ATRN: variants seen among roughly 807,000 people sequenced by gnomAD.
ATRN encodes attractin.
In ATRN, 54 loss-of-function variants were observed where a neutral mutation model predicts 178.7. That is an observed-to-expected ratio of 0.30 (90% CI 0.24 to 0.38). The LOEUF (loss-of-function observed/expected upper bound fraction) is 0.38. Among genes scored for constraint, ATRN ranks in the 10% least tolerant of loss-of-function variants. ATRN has a pLI of 1.00. For missense variants in ATRN, 1,443 were observed against 1,815.1 expected (o/e 0.79, Z 3.73); for synonymous variants, 636 against 663.0 (o/e 0.96, Z 0.63).
intron 24 of ATRN, chr20:3,615,686 G>A (rs2086836586): frequency 5.0e-6 from 2 of 399,184 alleles, no homozygotes; most frequent in Admixed American, 5.1e-5. Flanking sequence ...CTTGCGAGTA[G>A]CTGGGACTAC....
intron 11 of ATRN, among the ~76,000 whole-genome samples, chr20:3,570,036 A>G (rs546944572): frequency 1.8e-4 from 27 of 151,204 alleles, no homozygotes; most frequent in African/African-American, 6.6e-4. Flanking sequence ...GTGCTGTTGC[A>G]CTCCAGTCTG....
intron 24 of ATRN, among the ~76,000 whole-genome samples, chr20:3,617,024 G>GT (rs1319154733): frequency 6.6e-6 from 1 of 152,184 alleles, no homozygotes; most frequent in Non-Finnish European, 1.5e-5. Flanking sequence ...TGCCAGATGA[G>GT]TATATAGTTG....
chr20:3,585,325 A>G (rs1472442030), intron 18 of ATRN, among the ~76,000 whole-genome samples: 1 of 152,216 alleles, frequency 6.6e-6, no homozygotes, highest in Non-Finnish European at 1.5e-5. Flanking sequence ...AAATACCTGC[A>G]CTGCATGTAA....
chr20:3,569,665 T>C (rs905497735), intron 11 of ATRN, among the ~76,000 whole-genome samples: 9 of 152,246 alleles, frequency 5.9e-5, no homozygotes, highest in South Asian at 2.1e-4. Flanking sequence ...CCATCCATCA[T>C]TGATGGAAAC....
intron 16 of ATRN, among the ~76,000 whole-genome samples, chr20:3,583,542 C>T (rs2086309183): frequency 6.6e-6 from 1 of 152,194 alleles, no homozygotes; most frequent in African/African-American, 2.4e-5. Flanking sequence ...GGCACAGTGG[C>T]TCACGCCTGT....
At chr20:3,554,322 T>TTTATTTA (rs1177690488) in intron 6 of ATRN, among the ~76,000 whole-genome samples, 7 of 148,402 alleles carry the variant, frequency 4.7e-5, no homozygotes, top group African/African-American at 1.7e-4. Flanking sequence ...TATTTATTTA[T>TTTATTTA]TTATTTATTT....
At chr20:3,511,377 A>G (rs1304384419) in intron 1 of ATRN, among the ~76,000 whole-genome samples, 5 of 152,194 alleles carry the variant, frequency 3.3e-5, no homozygotes, top group Non-Finnish European at 7.4e-5. Flanking sequence ...GTAATAGGAA[A>G]GGGGAGATCA....
intron 1 of ATRN, among the ~76,000 whole-genome samples, chr20:3,522,617 C>G (rs549742472): frequency 6.6e-6 from 1 of 152,334 alleles, no homozygotes; most frequent in East Asian, 1.9e-4. Flanking sequence ...TGCCTCCTGA[C>G]TAGGAGACAC....
At chr20:3,594,607 C>T in intron 20 of ATRN, 35 bp downstream of exon 20, 1 of 1,556,934 alleles carries the variant, frequency 6.4e-7, no homozygotes, top group Non-Finnish European at 8.8e-7. Context: ...CCAGGGAGGA[C>T]CAAGAGGCTG....
chr20:3,562,228 G>A (rs1337178864), intron 8 of ATRN, 48 bp from the exon 9 acceptor site: 1 of 1,511,812 alleles, frequency 6.6e-7, no homozygotes, highest in Non-Finnish European at 9.1e-7. Flanking sequence ...TTCAGTAGTA[G>A]AGAGGAGGAG....
At chr20:3,564,781 C>A (rs942398907) in intron 10 of ATRN, among the ~76,000 whole-genome samples, 1 of 152,062 alleles carries the variant, frequency 6.6e-6, no homozygotes, top group Non-Finnish European at 1.5e-5. Context: ...AAAAAACATT[C>A]TTGGCTGGGC....
intron 1 of ATRN, among the ~76,000 whole-genome samples, chr20:3,505,349 C>CT (rs2085028052): frequency 6.6e-6 from 1 of 152,148 alleles, no homozygotes; most frequent in Non-Finnish European, 1.5e-5. Flanking sequence ...TGGCCTCAGA[C>CT]TGAGTTACAC....
chr20:3,544,099 A>C (rs2085663372), intron 3 of ATRN, among the ~76,000 whole-genome samples: 1 of 152,052 alleles, frequency 6.6e-6, no homozygotes, highest in Non-Finnish European at 1.5e-5. Flanking sequence ...TCCCCTCCTC[A>C]TTTTCATTCC....
chr20:3,479,703 C>T (rs1323283391), intron 1 of ATRN, among the ~76,000 whole-genome samples: 2 of 152,204 alleles, frequency 1.3e-5, no homozygotes, highest in African/African-American at 4.8e-5. Flanking sequence ...AAGGTACTGG[C>T]AGGGCCACGA....
intron 1 of ATRN, among the ~76,000 whole-genome samples, chr20:3,479,294 G>A (rs2084583358): frequency 6.6e-6 from 1 of 152,184 alleles, no homozygotes; most frequent in Non-Finnish European, 1.5e-5. Context: ...ATATGAAGGT[G>A]TGTAAGAATC....
intron 1 of ATRN, among the ~76,000 whole-genome samples, chr20:3,499,571 C>T (rs2084927668): frequency 6.6e-6 from 1 of 151,502 alleles, no homozygotes; most frequent in South Asian, 2.1e-4. Flanking sequence ...CTGAGAAAAA[C>T]AAGCATTGGG....
Position 3,646,739 on chromosome 20 carries a change from C to A in ATRN, c.4182C>A (p.Ser1394Arg). The A allele has an allele frequency of 6.2e-7, 1 of 1,602,840 alleles. No individual in the cohort carries two copies. The highest frequency in any genetic ancestry group is 8.5e-7 in the Non-Finnish European group (1 of 1,174,320). Reference protein sequence around the residue: ...PPGQSGLAVASALVDISQQMP... With the variant: ...PPGQSGLAVARALVDISQQMP... ...TCTCCCAAGGTCTTGCTGTGGCCAGCGCCCTGGTGGACATTTCTCAGCAGA... is the reference window on the plus strand; with the variant it reads ...TCTCCCAAGGTCTTGCTGTGGCCAGAGCCCTGGTGGACATTTCTCAGCAGA... The change falls in exon 29 of 29, where the codon AGC becomes AGA. Residue 1394 changes from serine to arginine, a missense_variant. Transcript: ENST00000262919.
chr20:3,567,957 C>G (rs1206998427), intron 11 of ATRN, among the ~76,000 whole-genome samples: 1 of 152,150 alleles, frequency 6.6e-6, no homozygotes, highest in East Asian at 1.9e-4. Flanking sequence ...TTGAATCTAG[C>G]CTGCTTAATG....
intron 25 of ATRN, chr20:3,629,090 A>T (rs934779504): frequency 3.0e-6 from 3 of 984,748 alleles, no homozygotes; most frequent in Non-Finnish European, 3.6e-6. Context: ...GCACTCCCTT[A>T]CCAGGCCCCA....
Sources: allele counts gnomAD v4.1 joint callset (sites outside exome capture counted in the v4.1 genomes callset), GRCh38; gene constraint gnomAD v4.1.1; transcripts MANE v1.5; gene names NCBI Gene and HGNC (gene_info 2026-07-23, HGNC 2026-07-21).